The following HECW2 variants were observed in gnomAD, a reference collection of about 807,000 sequenced individuals.
The protein encoded by HECW2 is E3 ubiquitin-protein ligase HECW2.
Under a neutral mutation model 175.2 loss-of-function variants are expected in HECW2, and 61 were observed. The observed-to-expected ratio is 0.35, with a 90% CI of 0.28 to 0.43. The LOEUF is 0.43. Among genes scored for constraint, HECW2 ranks in the 20% least tolerant of loss-of-function variants. The probability of loss-of-function intolerance (pLI) is 1.00; values close to 1 mark genes in which losing one functional copy is unlikely to be tolerated. For synonymous variants in HECW2, 671 were observed against 731.0 expected (o/e 0.92, Z 1.32); for missense variants, 1,524 against 2,000.5 (o/e 0.76, Z 4.54).
rs773690625 is a variant in HECW2, at chr2:196,292,662, T to G, written c.2903A>C (p.Gln968Pro). The change falls in exon 14 of 29, where the codon CAG becomes CCG. Residue 968 changes from glutamine to proline, a missense_variant. By Grantham distance (76) the Gln-to-Pro change is moderately conservative. Coordinates refer to ENST00000644978, the MANE Select transcript of HECW2 (RefSeq NM_001348768.2). ...RRDTHHFERYQHNRDLVGFLN... is the reference protein window; with the variant it reads ...RRDTHHFERYPHNRDLVGFLN... Reference sequence around the variant, plus strand: ...GAATCCCACAAGGTCGCGGTTATGCTGGTAGCGTTCAAAGTGGTGGGTGTC... The same window carrying G: ...GAATCCCACAAGGTCGCGGTTATGCGGGTAGCGTTCAAAGTGGTGGGTGTC... 6.2e-7 allele frequency: 1 copy of G among 1,614,222 alleles called. No individual in the cohort carries two copies. Among genetic ancestry groups the G allele is most frequent in the South Asian group, 1.1e-5 (1 of 91,092 alleles).
chr2:196,379,436 A>C (rs939382414), intron 2 of HECW2, among the ~76,000 whole-genome samples: 2 of 152,214 alleles, frequency 1.3e-5, no homozygotes, highest in Non-Finnish European at 2.9e-5. Context: ...CTGTAATCCC[A>C]GCACTTTGGG....
chr2:196,414,424 C>A (rs980257396), intron 2 of HECW2, among the ~76,000 whole-genome samples: 2 of 152,212 alleles, frequency 1.3e-5, no homozygotes, highest in Non-Finnish European at 2.9e-5. Flanking sequence ...CCCCTTCTAA[C>A]TTCAAAGATA....
chr2:196,268,949 G>A (rs1689623069), intron 17 of HECW2, among the ~76,000 whole-genome samples: 1 of 152,172 alleles, frequency 6.6e-6, no homozygotes, highest in African/African-American at 2.4e-5. Flanking sequence ...GTGGATTACT[G>A]AGTGGATGCC....
chr2:196,290,989 G>A (rs1690581924), intron 14 of HECW2: 1 of 152,106 alleles, frequency 6.6e-6, no homozygotes, highest in Non-Finnish European at 1.5e-5. Context: ...CAGAAATCAA[G>A]TCAGTAGTTT....
At chr2:196,501,724 T>C (rs1437670961) in intron 1 of HECW2, among the ~76,000 whole-genome samples, 5 of 152,192 alleles carry the variant, frequency 3.3e-5, no homozygotes, top group African/African-American at 1.2e-4. Context: ...ACAAGTACTG[T>C]CATAGATCAA....
chr2:196,317,435 CA>C lies in HECW2; in HGVS notation c.2339-67del, dbSNP rs1057259478. ...TTTCAGTATCAAAACAGACTCTATA[CA>C]AAAAACCTAACATAATTCCCAAGGC... On this transcript the variant is annotated intron_variant, in intron 9 of 28. Transcript: ENST00000644978. 8 of 1,119,164 alleles carry C rather than the reference CA, an allele frequency of 7.1e-6. No homozygotes were observed. In the African/African-American group the frequency reaches 9.3e-5, roughly 13 times the overall value. 69.3% of individuals were successfully genotyped at this position (1,119,164 alleles called of 1,614,324 possible).
chr2:196,443,397 T>C (rs539590604), intron 1 of HECW2, among the ~76,000 whole-genome samples: 74 of 152,306 alleles, frequency 4.9e-4, no homozygotes, highest in South Asian at 2.1e-3. Context: ...CAACATCTCT[T>C]ACTCATTTAT....
At chr2:196,392,157 TCA>T (rs1694530740) in intron 2 of HECW2, among the ~76,000 whole-genome samples, 1 of 152,214 alleles carries the variant, frequency 6.6e-6, no homozygotes, top group East Asian at 1.9e-4. Flanking sequence ...CTTTTTAGAT[TCA>T]ATCCCTTTAT....
chr2:196,514,443 C>T (rs1279566264), intron 1 of HECW2, among the ~76,000 whole-genome samples: 1 of 152,174 alleles, frequency 6.6e-6, no homozygotes, highest in Non-Finnish European at 1.5e-5. Flanking sequence ...CAGCAGGAGG[C>T]AGAAGGGCTC....
intron 18 of HECW2, among the ~76,000 whole-genome samples, chr2:196,254,691 T>C (rs764960350): frequency 7.2e-5 from 11 of 152,178 alleles, no homozygotes; most frequent in Non-Finnish European, 1.6e-4. Context: ...ACAGTGTCAG[T>C]TTGTACTCCA....
chr2:196,295,706 A>G (rs1690785227), intron 13 of HECW2, among the ~76,000 whole-genome samples: 1 of 152,226 alleles, frequency 6.6e-6, no homozygotes, highest in Non-Finnish European at 1.5e-5. Flanking sequence ...GTTAAAAAAG[A>G]ACTTCATTAG....
chr2:196,558,187 T>A (rs1689873820), intron 1 of HECW2, among the ~76,000 whole-genome samples: 1 of 152,136 alleles, frequency 6.6e-6, no homozygotes, highest in African/African-American at 2.4e-5. Flanking sequence ...CAGCAACCAC[T>A]TAAAAGTTAA....
At chr2:196,541,826 A>AT (rs1689226240) in intron 1 of HECW2, among the ~76,000 whole-genome samples, 1 of 152,090 alleles carries the variant, frequency 6.6e-6, no homozygotes, top group Non-Finnish European at 1.5e-5. Flanking sequence ...ACACCTGAAG[A>AT]TTTTTTCAGA....
chr2:196,362,906 A>G (rs1693638576), intron 2 of HECW2, among the ~76,000 whole-genome samples: 1 of 152,138 alleles, frequency 6.6e-6, no homozygotes, highest in South Asian at 2.1e-4. Flanking sequence ...CTCCAGGAAA[A>G]CTAGATGAAA....
intron 1 of HECW2, among the ~76,000 whole-genome samples, chr2:196,440,090 G>A (rs1242897477): frequency 6.6e-6 from 1 of 152,120 alleles, no homozygotes; most frequent in East Asian, 1.9e-4. Flanking sequence ...CAGGTGAGAT[G>A]GAAGTAAATG....
chr2:196,236,751 G>A (rs1005341950), intron 21 of HECW2, among the ~76,000 whole-genome samples: 1 of 152,076 alleles, frequency 6.6e-6, no homozygotes, highest in Non-Finnish European at 1.5e-5. Flanking sequence ...TTATGTGTTC[G>A]GGAGGAAGAC....
intron 2 of HECW2, among the ~76,000 whole-genome samples, chr2:196,425,306 G>A (rs911746612): frequency 3.3e-5 from 5 of 151,606 alleles, no homozygotes; most frequent in Non-Finnish European, 7.4e-5. Flanking sequence ...TTTCATGCCT[G>A]CTAACACAAC....
At chr2:196,233,686 G>A (rs1001662778) in intron 21 of HECW2, among the ~76,000 whole-genome samples, 1 of 152,176 alleles carries the variant, frequency 6.6e-6, no homozygotes, top group African/African-American at 2.4e-5. Flanking sequence ...CCAAAGCCTA[G>A]ATACAGAAGC....
chr2:196,571,519 G>A (rs1690384942), intron 1 of HECW2, among the ~76,000 whole-genome samples: 4 of 152,040 alleles, frequency 2.6e-5, no homozygotes. Flanking sequence ...GACCAGCCTG[G>A]CCAACATGGT....
Sources: allele counts gnomAD v4.1 joint callset (sites outside exome capture counted in the v4.1 genomes callset), GRCh38; gene constraint gnomAD v4.1.1; transcripts MANE v1.5; gene names NCBI Gene and HGNC (gene_info 2026-07-23, HGNC 2026-07-21).